The following CPA6 variants were observed in gnomAD, a reference collection of about 807,000 sequenced individuals.
CPA6 encodes the protein carboxypeptidase B.
CPA6 carries 58 observed loss-of-function variants against 63.3 expected under a neutral mutation model. That is an observed-to-expected ratio of 0.92 (90% CI 0.74 to 1.14). The LOEUF (loss-of-function observed/expected upper bound fraction) is 1.14. Ranked by LOEUF, CPA6 falls within the 50% of genes most tolerant of loss-of-function variation. The pLI is 0.00. For missense variants in CPA6, 565 were observed against 526.6 expected (o/e 1.07, Z -0.71); for synonymous variants, 185 against 179.0 (o/e 1.03, Z -0.27).
intron 2 of CPA6, among the ~76,000 whole-genome samples, chr8:67,577,452 C>T (rs1013468071): frequency 1.3e-5 from 2 of 152,116 alleles, no homozygotes; most frequent in African/African-American, 4.8e-5. Flanking sequence ...AGCATGTAAT[C>T]TGGAGGTTCC....
chr8:67,574,827 C>T (rs72657234), intron 2 of CPA6, among the ~76,000 whole-genome samples: 16,159 of 151,296 alleles, frequency 0.11, 948 homozygotes, highest in Middle Eastern at 0.2. Flanking sequence ...CTCCAGCCTA[C>T]GATTTTTTTT....
chr8:67,723,315 A>G (rs1817537103), intron 1 of CPA6, among the ~76,000 whole-genome samples: 1 of 150,874 alleles, frequency 6.6e-6, no homozygotes, highest in South Asian at 2.1e-4. Context: ...AACTCTTAAA[A>G]CTTTTTTTGA....
chr8:67,666,696 G>C (rs1477165513), intron 1 of CPA6, among the ~76,000 whole-genome samples: 1 of 152,234 alleles, frequency 6.6e-6, no homozygotes, highest in East Asian at 1.9e-4. Context: ...CTGCTTGGGG[G>C]TGTGACTGTG....
At chr8:67,481,401 A>G (rs1323820998) in intron 8 of CPA6, among the ~76,000 whole-genome samples, 1 of 152,234 alleles carries the variant, frequency 6.6e-6, no homozygotes, top group Non-Finnish European at 1.5e-5. Flanking sequence ...CTTTCAGACC[A>G]GTGATATTCA....
chr8:67,715,006 C>T (rs919010971), intron 1 of CPA6, among the ~76,000 whole-genome samples: 1 of 152,220 alleles, frequency 6.6e-6, no homozygotes, highest in Non-Finnish European at 1.5e-5. Flanking sequence ...GAATGAGATC[C>T]TCCTTAAGTC....
intron 2 of CPA6, among the ~76,000 whole-genome samples, chr8:67,575,702 C>T (rs1813605800): frequency 6.6e-6 from 1 of 151,856 alleles, no homozygotes; most frequent in African/African-American, 2.4e-5. Flanking sequence ...ACTAAAAATA[C>T]AAAAAATTAG....
At chr8:67,734,041 C>T (rs1817767237) in intron 1 of CPA6, among the ~76,000 whole-genome samples, 1 of 60,162 alleles carries the variant, frequency 1.7e-5, no homozygotes, top group Admixed American at 2.2e-4. Flanking sequence ...ACCTAGCAAA[C>T]TTAATTTTTT....
chr8:67,702,801 G>A (rs1208601358), intron 1 of CPA6, among the ~76,000 whole-genome samples: 1 of 152,116 alleles, frequency 6.6e-6, no homozygotes, highest in Non-Finnish European at 1.5e-5. Flanking sequence ...GAAGAATCAG[G>A]GGAGAAGAGA....
At chr8:67,493,346 A>C (rs1409814464) in intron 6 of CPA6, among the ~76,000 whole-genome samples, 1 of 152,178 alleles carries the variant, frequency 6.6e-6, no homozygotes, top group Non-Finnish European at 1.5e-5. Flanking sequence ...ATTATCTAAA[A>C]GGACTATTCC....
intron 5 of CPA6, among the ~76,000 whole-genome samples, chr8:67,508,222 G>T (rs1811973217): frequency 6.6e-6 from 1 of 152,046 alleles, no homozygotes; most frequent in South Asian, 2.1e-4. Flanking sequence ...ATGAGGACAA[G>T]AGAAGCAACT....
chr8:67,673,395 T>TATTA (rs1816396349), intron 1 of CPA6, among the ~76,000 whole-genome samples: 1 of 142,128 alleles, frequency 7.0e-6, no homozygotes, highest in Non-Finnish European at 1.5e-5. Flanking sequence ...TTTATTTTTT[T>TATTA]TTTTTTGAGA....
At chr8:67,634,906 T>C (rs1308130945) in intron 1 of CPA6, among the ~76,000 whole-genome samples, 2 of 151,216 alleles carry the variant, frequency 1.3e-5, no homozygotes, top group East Asian at 1.9e-4. Flanking sequence ...GTTCTTTTTT[T>C]AGAAATGGTC....
chr8:67,553,646 CTT>C (rs887423964), intron 2 of CPA6, among the ~76,000 whole-genome samples: 35 of 152,284 alleles, frequency 2.3e-4, no homozygotes, highest in African/African-American at 6.7e-4. Context: ...TCATTTTCCT[CTT>C]GAGTCTCAAG....
At chr8:67,548,412 T>C (rs886474289) in intron 2 of CPA6, among the ~76,000 whole-genome samples, 2 of 151,160 alleles carry the variant, frequency 1.3e-5, no homozygotes, top group Non-Finnish European at 3.0e-5. Flanking sequence ...CCACCATGCC[T>C]GGCTAATATT....
chr8:67,581,630 T>C (rs1165608697), intron 2 of CPA6, among the ~76,000 whole-genome samples: 1 of 152,046 alleles, frequency 6.6e-6, no homozygotes, highest in Non-Finnish European at 1.5e-5. Context: ...GGCATAAGGG[T>C]AAGGATGATA....
At chr8:67,494,340 T>C (rs183625606) in intron 6 of CPA6, among the ~76,000 whole-genome samples, 4 of 152,308 alleles carry the variant, frequency 2.6e-5, no homozygotes, top group Admixed American at 1.3e-4. Flanking sequence ...CTTGGAAATG[T>C]CTTCTTTACT....
At chr8:67,509,370 A>G (rs911673542) in intron 5 of CPA6, 147 bp downstream of exon 5, 4 of 479,672 alleles carry the variant, frequency 8.3e-6, no homozygotes, top group Non-Finnish European at 1.1e-5. Flanking sequence ...TCAGAAACCT[A>G]AGGGAAAGTA....
chr8:67,704,618 A>G (rs1817093749), intron 1 of CPA6, among the ~76,000 whole-genome samples: 1 of 152,214 alleles, frequency 6.6e-6, no homozygotes. Flanking sequence ...TCATTGTGGA[A>G]CCCCAAGGAT....
At chr8:67,534,863 C>T (rs1812551694) in intron 2 of CPA6, among the ~76,000 whole-genome samples, 1 of 151,848 alleles carries the variant, frequency 6.6e-6, no homozygotes. Context: ...GCTGTCCCTC[C>T]CCTTGCCCCC....
Sources: gnomAD v4.1 joint callset for allele counts (sites outside exome capture counted in the v4.1 genomes callset) on GRCh38, gnomAD v4.1.1 for gene constraint, MANE v1.5 for transcripts, NCBI Gene and HGNC (gene_info 2026-07-23, HGNC 2026-07-21) for gene names.